MALRD1: variants seen among roughly 807,000 people sequenced by gnomAD.
MALRD1 encodes the protein MAM and LDL receptor class A domain containing 1.
MALRD1 carries 247 observed loss-of-function variants against 242.1 expected under a neutral mutation model. The ratio of observed to expected loss-of-function variants is 1.02; its 90% confidence interval spans 0.92 to 1.13. The LOEUF (loss-of-function observed/expected upper bound fraction) is 1.13, where lower values mean the gene tolerates loss of function less well. MALRD1 is among the 50% of genes most tolerant of loss of function. The pLI, the probability that MALRD1 is intolerant of heterozygous loss-of-function variation, is 0.00. For missense variants in MALRD1, 2,989 were observed against 2,533.1 expected (o/e 1.18, Z -3.86); for synonymous variants, 995 against 866.6 (o/e 1.15, Z -2.60).
chr10:19,524,433 T>C (rs1355207595), intron 31 of MALRD1, among the ~76,000 whole-genome samples: 1 of 151,692 alleles, frequency 6.6e-6, no homozygotes, highest in Admixed American at 6.6e-5. Flanking sequence ...GCCAAGATTG[T>C]GCCACTGCAC....
At chr10:19,683,677 ATTATG>A (rs1842464461) in intron 36 of MALRD1, among the ~76,000 whole-genome samples, 1 of 152,104 alleles carries the variant, frequency 6.6e-6, no homozygotes, top group Admixed American at 6.6e-5. Context: ...CCAGAAATTT[ATTATG>A]TTATGAGAGT....
rs186771617 is a variant in MALRD1 at position 19,199,117 on chromosome 10, A to C, written c.1952-4611A>C. 4.9e-4 allele frequency among the ~76,000 whole-genome samples: 75 copies of C among 152,322 alleles called. 1 individual carries two copies. In the South Asian group the frequency reaches 0.012, roughly 24 times the overall value. On this transcript the variant is annotated intron_variant, in intron 14 of 39. Transcript: ENST00000454679. Reference sequence around the variant, plus strand: ...CCTAAGCCAACATACTAGAATACTCAATTAACTTTTGTCCTCCTTCATGCA... The same window carrying C: ...CCTAAGCCAACATACTAGAATACTCCATTAACTTTTGTCCTCCTTCATGCA...
chr10:19,644,150 C>T (rs904222737), intron 36 of MALRD1, among the ~76,000 whole-genome samples: 7 of 152,148 alleles, frequency 4.6e-5, no homozygotes, highest in Non-Finnish European at 8.8e-5. Context: ...CCTTAAAAAC[C>T]CAACTTGACT....
At chr10:19,519,950 G>T (rs183149491) in intron 31 of MALRD1, among the ~76,000 whole-genome samples, 1 of 152,098 alleles carries the variant, frequency 6.6e-6, no homozygotes, top group Non-Finnish European at 1.5e-5. Context: ...ATAACTAAAG[G>T]TAGATCATTG....
At chr10:19,620,522 T>A (rs942870090) in intron 36 of MALRD1, among the ~76,000 whole-genome samples, 1 of 152,094 alleles carries the variant, frequency 6.6e-6, no homozygotes, top group Admixed American at 6.6e-5. Context: ...TCATTTACAG[T>A]AACCTGGAAA....
chr10:19,232,435 C>T (rs1838124642), intron 18 of MALRD1, among the ~76,000 whole-genome samples: 1 of 151,920 alleles, frequency 6.6e-6, no homozygotes, highest in Admixed American at 6.6e-5. Context: ...GCCTCAGCCT[C>T]CCGAAGTGCT....
intron 14 of MALRD1, among the ~76,000 whole-genome samples, chr10:19,182,886 T>G (rs191478657): frequency 6.6e-6 from 1 of 152,260 alleles, no homozygotes; most frequent in East Asian, 1.9e-4. Flanking sequence ...AAATAATACT[T>G]AATACTTTCT....
chr10:19,623,974 A>G (rs181486694), intron 36 of MALRD1, among the ~76,000 whole-genome samples: 99 of 152,276 alleles, frequency 6.5e-4, no homozygotes, highest in African/African-American at 2.3e-3. Context: ...AGCAAATTAA[A>G]ACAATGTTAA....
intron 36 of MALRD1, among the ~76,000 whole-genome samples, chr10:19,687,933 GTTATGTTATGTTATGTT>G (rs1246204433): frequency 1.4e-5 from 2 of 142,976 alleles, no homozygotes; most frequent in African/African-American, 5.1e-5. Context: ...GTTATGTTAT[GTTATGTTATGTTATGTT>G]ATGTTATGTT....
At chr10:19,536,664 G>A (rs1055513665) in intron 32 of MALRD1, among the ~76,000 whole-genome samples, 1 of 151,682 alleles carries the variant, frequency 6.6e-6, no homozygotes, top group African/African-American at 2.4e-5. Flanking sequence ...AAATCTTTTG[G>A]TGCTATGACC....
At chr10:19,487,735 A>G (rs1022118697) in intron 29 of MALRD1, among the ~76,000 whole-genome samples, 4 of 152,188 alleles carry the variant, frequency 2.6e-5, no homozygotes, top group Non-Finnish European at 5.9e-5. Context: ...TTTGTGGCAA[A>G]GTTCCTAAAC....
chr10:19,145,184 G>T (rs1333791428), intron 10 of MALRD1, among the ~76,000 whole-genome samples: 2 of 152,158 alleles, frequency 1.3e-5, no homozygotes, highest in East Asian at 3.9e-4. Flanking sequence ...CTAGTTGAAT[G>T]CCCAGTCTTA....
At chr10:19,593,665 A>T (rs1038534785) in intron 33 of MALRD1, among the ~76,000 whole-genome samples, 7 of 152,306 alleles carry the variant, frequency 4.6e-5, no homozygotes, top group African/African-American at 1.7e-4. Context: ...CTATATGTTC[A>T]CATACATTCT....
intron 26 of MALRD1, among the ~76,000 whole-genome samples, chr10:19,363,970 T>C (rs1845006955): frequency 6.6e-6 from 1 of 151,986 alleles, no homozygotes; most frequent in African/African-American, 2.4e-5. Flanking sequence ...AGAGTAGTGT[T>C]TTGTGAAGGC....
At chr10:19,312,378 GTATATATATATA>G (rs112120220) in intron 21 of MALRD1, among the ~76,000 whole-genome samples, 4 of 137,548 alleles carry the variant, frequency 2.9e-5, no homozygotes, top group Non-Finnish European at 4.7e-5. Flanking sequence ...AGAGGAATGT[GTATATATATATA>G]TATATATATA....
chr10:19,384,480 T>C (rs1436290104), intron 26 of MALRD1, among the ~76,000 whole-genome samples: 1 of 118,080 alleles, frequency 8.5e-6, no homozygotes, highest in Non-Finnish European at 1.6e-5. Context: ...ATATATTATA[T>C]AGTGTATGTA....
chr10:19,729,062 G>A (rs1300834667), intron 38 of MALRD1, among the ~76,000 whole-genome samples: 1 of 152,176 alleles, frequency 6.6e-6, no homozygotes, highest in Non-Finnish European at 1.5e-5. Context: ...TAAGCAAAAT[G>A]TACCCGCGGT....
intron 30 of MALRD1, among the ~76,000 whole-genome samples, chr10:19,496,364 A>G (rs2131238050): frequency 6.6e-6 from 1 of 152,272 alleles, no homozygotes; most frequent in Middle Eastern, 3.4e-3. Flanking sequence ...TATACCAACC[A>G]TCACAGCACA....
intron 21 of MALRD1, among the ~76,000 whole-genome samples, chr10:19,302,796 A>C (rs74835112): frequency 0.093 from 14,189 of 151,816 alleles, 883 homozygotes; most frequent in East Asian, 0.19. Flanking sequence ...TTGAAAAATA[A>C]AAAGGAGGTA....
Sources: allele counts gnomAD v4.1 joint callset (sites outside exome capture counted in the v4.1 genomes callset), GRCh38; gene constraint gnomAD v4.1.1; transcripts MANE v1.5; gene names NCBI Gene and HGNC (gene_info 2026-07-23, HGNC 2026-07-21).